DAB1: variants seen among roughly 807,000 people sequenced by gnomAD.
DAB1 encodes the protein DAB adaptor protein 1.
In DAB1, 15 loss-of-function variants were observed where a neutral mutation model predicts 64.6. That is an observed-to-expected ratio of 0.23 (90% confidence interval 0.16 to 0.36). The LOEUF (loss-of-function observed/expected upper bound fraction) is 0.36, where lower values mean the gene tolerates loss of function less well. DAB1 is among the 10% of genes least tolerant of loss of function. The pLI is 1.00. For missense variants in DAB1, 596 were observed against 706.7 expected (o/e 0.84, Z 1.78); for synonymous variants, 235 against 251.9 (o/e 0.93, Z 0.64).
intron 4 of DAB1, among the ~76,000 whole-genome samples, chr1:57,080,219 C>G (rs1409010655): frequency 6.6e-6 from 1 of 152,122 alleles, no homozygotes; most frequent in African/African-American, 2.4e-5. Context: ...AAACAACTTC[C>G]CATTCCCTAC....
At chr1:57,699,016 C>T (rs373986930) in intron 6 of DAB1, among the ~76,000 whole-genome samples, 12 of 152,256 alleles carry the variant, frequency 7.9e-5, no homozygotes, top group South Asian at 6.2e-4. Context: ...TTGCTCACTG[C>T]GGCCTTGAAT....
intron 2 of DAB1, among the ~76,000 whole-genome samples, chr1:57,188,942 T>A (rs755303591): frequency 1.1e-4 from 16 of 152,182 alleles, no homozygotes; most frequent in Non-Finnish European, 1.8e-4. Context: ...TTCCCTCAGT[T>A]GAGAAATCAG....
chr1:57,626,137 G>C (rs1372975414), intron 7 of DAB1, among the ~76,000 whole-genome samples: 1 of 151,578 alleles, frequency 6.6e-6, no homozygotes, highest in East Asian at 1.9e-4. Context: ...TATTCATCAT[G>C]ATTACTGTGC....
chr1:57,947,868 A>G (rs1316820106), intron 5 of DAB1, among the ~76,000 whole-genome samples: 1 of 152,228 alleles, frequency 6.6e-6, no homozygotes, highest in Non-Finnish European at 1.5e-5. Flanking sequence ...AGGGGCAGAG[A>G]TCACAATCCC....
intron 4 of DAB1, among the ~76,000 whole-genome samples, chr1:58,174,770 A>C (rs533286379): frequency 6.6e-5 from 10 of 152,278 alleles, no homozygotes; most frequent in African/African-American, 2.4e-4. Context: ...TGCACCAATC[A>C]GCACTCTGCA....
At chr1:58,140,577 T>TAA (rs932589778) in intron 5 of DAB1, among the ~76,000 whole-genome samples, 5 of 146,348 alleles carry the variant, frequency 3.4e-5, no homozygotes, top group African/African-American at 1.2e-4. Context: ...ACAGGAGAAC[T>TAA]AAAAAAAAAA....
chr1:57,857,362 A>G (rs1271954293), intron 1 of DAB1, among the ~76,000 whole-genome samples: 3 of 152,226 alleles, frequency 2.0e-5, no homozygotes, highest in Non-Finnish European at 4.4e-5. Context: ...TCTGGAGAAG[A>G]TTCTGAAAAC....
intron 4 of DAB1, among the ~76,000 whole-genome samples, chr1:58,173,564 A>G (rs563976672): frequency 2.6e-5 from 4 of 152,236 alleles, no homozygotes; most frequent in South Asian, 4.2e-4. Flanking sequence ...TTTTTCTCCA[A>G]TGGGAAAATA....
chr1:57,749,864 A>C (rs1249415872), intron 6 of DAB1, among the ~76,000 whole-genome samples: 1 of 152,162 alleles, frequency 6.6e-6, no homozygotes, highest in Non-Finnish European at 1.5e-5. Flanking sequence ...TGCTCAGTTG[A>C]CCAGCAGAGC....
intron 9 of DAB1, among the ~76,000 whole-genome samples, chr1:57,036,196 T>C (rs1418865470): frequency 1.3e-5 from 2 of 152,158 alleles, no homozygotes; most frequent in African/African-American, 4.8e-5. Flanking sequence ...CAATGGCCTC[T>C]CTTTAGAAAC....
chr1:57,461,849 A>G (rs1226509039), intron 7 of DAB1, among the ~76,000 whole-genome samples: 2 of 150,164 alleles, frequency 1.3e-5, no homozygotes, highest in African/African-American at 4.9e-5. Context: ...TATAATATTT[A>G]TATCCTCAGT....
chr1:57,911,895 T>C (rs904285366), intron 5 of DAB1, among the ~76,000 whole-genome samples: 2 of 152,200 alleles, frequency 1.3e-5, no homozygotes, highest in Non-Finnish European at 2.9e-5. Context: ...TCTGCTTCAC[T>C]TCACCCTTCC....
chr1:57,175,904 T>A (rs924173365), intron 2 of DAB1, among the ~76,000 whole-genome samples: 1 of 152,192 alleles, frequency 6.6e-6, no homozygotes, highest in Non-Finnish European at 1.5e-5. Context: ...ATTTTCCCGT[T>A]TGATTTTTTC....
intron 2 of DAB1, among the ~76,000 whole-genome samples, chr1:57,211,717 C>T (rs1365693809): frequency 6.6e-6 from 1 of 152,130 alleles, no homozygotes; most frequent in Non-Finnish European, 1.5e-5. Context: ...GGTACCACAT[C>T]TGAGGATTCA....
intron 7 of DAB1, among the ~76,000 whole-genome samples, chr1:57,444,258 C>G (rs1570525882): frequency 1.3e-5 from 2 of 152,228 alleles, no homozygotes; most frequent in Non-Finnish European, 2.9e-5. Flanking sequence ...AGCAAGGTCC[C>G]TTTATTATAA....
chr1:58,374,523 T>G lies in DAB1; in HGVS notation n.258-31120A>C, dbSNP rs555504883. 7.2e-3 allele frequency among the ~76,000 whole-genome samples: 1,098 copies of G among 151,548 alleles called. 11 individuals carry two copies. Among genetic ancestry groups the G allele is most frequent in the Middle Eastern group, 0.058 (17 of 294 alleles). ...AGCGTTATTTCTGAGGGCTCTGTTC[T>G]GTTCCATTGATCTATATCTCTGTTT... On this transcript the variant is annotated intron_variant and non_coding_transcript_variant, in intron 3 of 20. Coordinates refer to the DAB1 transcript ENST00000485760.
intron 3 of DAB1, among the ~76,000 whole-genome samples, chr1:58,483,369 C>T (rs1645522005): frequency 6.6e-6 from 1 of 152,128 alleles, no homozygotes; most frequent in Non-Finnish European, 1.5e-5. Flanking sequence ...GAGAGAGGGA[C>T]TTGTAGTCAG....
At position 57,702,857 on chromosome 1, in the gene DAB1, A is replaced by G. The variant is rs148157495; in HGVS notation, n.552-53192T>C. 1.2e-3 allele frequency among the ~76,000 whole-genome samples: 190 copies of G among 152,274 alleles called. 1 individual carries two copies. The highest frequency in any genetic ancestry group is 4.2e-3 in the African/African-American group (176 of 41,560). On this transcript the variant is annotated intron_variant and non_coding_transcript_variant, in intron 6 of 20. Coordinates refer to the DAB1 transcript ENST00000485760. ...AAAAACAGACACATAGACCAATAGAACAGAATAGAGAAACCAGAAATGAGA... is the reference window on the plus strand; with the variant it reads ...AAAAACAGACACATAGACCAATAGAGCAGAATAGAGAAACCAGAAATGAGA...
At position 57,384,916 on chromosome 1, in the gene DAB1, A is replaced by T. The variant is rs375898556; in HGVS notation, c.-137+39014T>A. ...TATCACAATTAAAAATTTGTCATAA[A>T]AATAAAAATATGTCAGATCAGTAAG... On this transcript the variant is annotated intron_variant, in intron 1 of 14. Transcript: ENST00000371236. 6.6e-4 allele frequency among the ~76,000 whole-genome samples: 100 copies of T among 152,352 alleles called. 1 individual carries two copies. In the South Asian group the frequency reaches 0.017, roughly 27 times the overall value.
Sources: allele counts gnomAD v4.1 joint callset (sites outside exome capture counted in the v4.1 genomes callset), GRCh38; gene constraint gnomAD v4.1.1; transcripts MANE v1.5; gene names NCBI Gene and HGNC (gene_info 2026-07-23, HGNC 2026-07-21).